The following SLC25A12 variants were observed in gnomAD, a reference collection of about 807,000 sequenced individuals.
SLC25A12 encodes solute carrier family 25 member 12.
Under a neutral mutation model 83.3 loss-of-function variants are expected in SLC25A12, and 32 were observed. The observed-to-expected ratio is 0.38, with a 90% CI of 0.29 to 0.52. SLC25A12 has a LOEUF of 0.52. Among genes scored for constraint, SLC25A12 ranks in the 20% least tolerant of loss-of-function variants. SLC25A12 has a pLI of 0.84. For synonymous variants in SLC25A12, 267 were observed against 291.1 expected (o/e 0.92, Z 0.84); for missense variants, 611 against 835.6 (o/e 0.73, Z 3.31).
intron 13 of SLC25A12, among the ~76,000 whole-genome samples, chr2:171,796,901 T>C (rs1683608510): frequency 6.6e-6 from 1 of 152,164 alleles, no homozygotes; most frequent in Admixed American, 6.5e-5. Context: ...TCCTACATAT[T>C]AAACTGGGGA....
At position 171,865,046 on chromosome 2, in the gene SLC25A12, G is replaced by A. The variant is rs1307969211; in HGVS notation, c.209+3635C>T. ...CTCCCCTAATTTATTTTTCATCATA[G>A]TACTTACAGCTTTCTAACATACCAT... On this transcript the variant is annotated intron_variant, in intron 3 of 17. Coordinates refer to ENST00000422440, the MANE Select transcript of SLC25A12 (RefSeq NM_003705.5). Among the ~76,000 whole-genome samples the A allele has an allele frequency of 2.6e-5, 4 of 152,006 alleles. No individual in the cohort carries two copies. In the East Asian group the frequency reaches 7.7e-4, roughly 29 times the overall value.
At chr2:171,815,042 C>A in intron 10 of SLC25A12, 79 bp downstream of exon 10, 1 of 1,179,176 alleles carries the variant, frequency 8.5e-7, no homozygotes, top group South Asian at 1.2e-5. Flanking sequence ...TGAACTGCAC[C>A]TTTGCTGATC....
At chr2:171,804,163 T>A (rs1448995252) in intron 13 of SLC25A12, among the ~76,000 whole-genome samples, 1 of 152,228 alleles carries the variant, frequency 6.6e-6, no homozygotes, top group African/African-American at 2.4e-5. Context: ...TACTGATACA[T>A]GCTACAACAC....
intron 5 of SLC25A12, among the ~76,000 whole-genome samples, chr2:171,843,231 T>C (rs1684717510): frequency 6.6e-6 from 1 of 152,230 alleles, no homozygotes; most frequent in Non-Finnish European, 1.5e-5. Context: ...GAATACCTAA[T>C]GTGTTTTAAA....
In SLC25A12 at chr2:171,868,674, T is replaced by C. The variant is rs1685395322; in HGVS notation, c.209+7A>G. 6.2e-7 allele frequency: 1 copy of C among 1,613,278 alleles called. No individual in the cohort carries two copies. Among genetic ancestry groups the C allele is most frequent in the African/African-American group, 1.3e-5 (1 of 74,900 alleles). ...TTAGTTTTCAGAAAATGCATGAAGA[T>C]ACTTACCCATCCTTGGTTTGATCAG... On this transcript the variant is annotated splice_region_variant and intron_variant, in intron 3 of 17. Transcript: ENST00000422440.
rs149808358 is a variant in SLC25A12 at position 171,797,547 on chromosome 2, C to T, written c.1306-3780G>A. On this transcript the variant is annotated intron_variant, in intron 13 of 17. Coordinates refer to ENST00000422440, the MANE Select transcript of SLC25A12 (RefSeq NM_003705.5). ...TCAAAACATATGAATGTATTAACTA[C>T]GCAACAACAACAAGAAACAGACCTG... 8.5e-4 allele frequency among the ~76,000 whole-genome samples: 130 copies of T among 152,268 alleles called. No individual in the cohort carries two copies. In the East Asian group the frequency reaches 0.021, roughly 24 times the overall value.
Position 171,893,172 on chromosome 2 carries a change from G to T in SLC25A12, c.66+33C>A. The T allele has an allele frequency of 6.3e-6, 10 of 1,582,578 alleles. No homozygotes were observed. In the Admixed American group the frequency reaches 8.7e-5, roughly 14 times the overall value. On this transcript the variant is annotated intron_variant, in intron 2 of 17. Transcript: ENST00000422440. ...AAGGACATGTACGTTTTTTGTTTTT[G>T]CAATGAAAGGCACACTATGCAAGCC...
intron 3 of SLC25A12, among the ~76,000 whole-genome samples, chr2:171,867,697 C>T (rs921502657): frequency 6.6e-6 from 1 of 152,104 alleles, no homozygotes; most frequent in Non-Finnish European, 1.5e-5. Flanking sequence ...TACACTAACC[C>T]GTAAGTCACA....
intron 3 of SLC25A12, among the ~76,000 whole-genome samples, chr2:171,857,243 C>T (rs879321519): frequency 6.6e-6 from 1 of 152,120 alleles, no homozygotes; most frequent in African/African-American, 2.4e-5. Flanking sequence ...TGGTGGCACA[C>T]ACCTGTAATC....
At chr2:171,868,595 T>G in intron 3 of SLC25A12, 86 bp downstream of exon 3, 1 of 1,352,426 alleles carries the variant, frequency 7.4e-7, no homozygotes, top group Middle Eastern at 1.8e-4. Context: ...ATTACAGGCA[T>G]GAGCCACTGT....
At chr2:171,888,725 G>C (rs191157500) in intron 2 of SLC25A12, among the ~76,000 whole-genome samples, 1 of 152,090 alleles carries the variant, frequency 6.6e-6, no homozygotes, top group African/African-American at 2.4e-5. Context: ...TTACAGGTGT[G>C]AGCCACCACA....
chr2:171,871,819 A>C, intron 2 of SLC25A12: 2 of 843,668 alleles, frequency 2.4e-6, no homozygotes, highest in Non-Finnish European at 2.9e-6. Context: ...AAAGCATTTG[A>C]GAGGTGGGAG....
At chr2:171,868,647 C>T (rs1339787895) in intron 3 of SLC25A12, 34 bp downstream of exon 3, 1 of 1,604,392 alleles carries the variant, frequency 6.2e-7, no homozygotes, top group Non-Finnish European at 8.5e-7. Context: ...TATTCCAGAA[C>T]ATTAGTTTTC....
intron 2 of SLC25A12, among the ~76,000 whole-genome samples, chr2:171,869,736 T>C (rs1685419029): frequency 6.6e-6 from 1 of 152,210 alleles, no homozygotes; most frequent in South Asian, 2.1e-4. Flanking sequence ...ATCAGATTGA[T>C]TGTTACTTCA....
chr2:171,875,639 C>T (rs905623739), intron 2 of SLC25A12, among the ~76,000 whole-genome samples: 12 of 149,102 alleles, frequency 8.0e-5, no homozygotes, highest in African/African-American at 2.7e-4. Flanking sequence ...GGGGGCCGGG[C>T]GCGGTGGCTC....
chr2:171,809,853 T>G (rs1220842199), intron 12 of SLC25A12, among the ~76,000 whole-genome samples, 167 bp from the exon 13 acceptor site: 2 of 152,212 alleles, frequency 1.3e-5, no homozygotes, highest in Non-Finnish European at 2.9e-5. Context: ...AGTGTGCCAG[T>G]GTCAGCAGCA....
At chr2:171,894,064 C>T in intron 1 of SLC25A12, 139 bp downstream of exon 1, 3 of 1,208,206 alleles carry the variant, frequency 2.5e-6, no homozygotes, top group Non-Finnish European at 3.6e-6. Flanking sequence ...GCACAGCTCT[C>T]CCCGCAGCAA....
intron 8 of SLC25A12, among the ~76,000 whole-genome samples, chr2:171,827,227 G>A (rs1382754742): frequency 1.3e-5 from 2 of 152,006 alleles, no homozygotes; most frequent in Admixed American, 6.6e-5. Context: ...CAGGCGCAAA[G>A]TATCTGGGAA....
At chr2:171,817,771 C>G (rs1206960623) in intron 9 of SLC25A12, among the ~76,000 whole-genome samples, 2 of 151,924 alleles carry the variant, frequency 1.3e-5, no homozygotes, top group Non-Finnish European at 2.9e-5. Context: ...GAATAAAAAG[C>G]CTATGATCCT....
Sources: gnomAD v4.1 joint callset for allele counts (sites outside exome capture counted in the v4.1 genomes callset) on GRCh38, gnomAD v4.1.1 for gene constraint, MANE v1.5 for transcripts, NCBI Gene and HGNC (gene_info 2026-07-23, HGNC 2026-07-21) for gene names.